Variants in NLGN4X observed in about 807,000 individuals in gnomAD.
NLGN4X encodes the protein neuroligin-4, X-linked.
Under a neutral mutation model 40.3 loss-of-function variants are expected in NLGN4X, and 3 were observed. The observed-to-expected ratio is 0.07, with a 90% CI of 0.03 to 0.19. NLGN4X has a LOEUF of 0.19. Among genes scored for constraint, NLGN4X ranks in the 10% least tolerant of loss-of-function variants. The pLI is 1.00. For missense variants in NLGN4X, 382 were observed against 708.3 expected (o/e 0.54, Z 5.23); for synonymous variants, 270 against 306.8 (o/e 0.88, Z 1.25).
At chrX:6,132,306 T>C (rs2039697072) in intron 2 of NLGN4X, among the ~76,000 whole-genome samples, 1 of 111,275 alleles carries the variant, frequency 9.0e-6, no homozygotes, top group African/African-American at 3.3e-5. Flanking sequence ...TAATCCAAAA[T>C]ATCTCCAGAC....
Position 6,034,712 on chromosome X carries a change from GT to G in NLGN4X, c.473-5281del, listed in dbSNP as rs202210549. The stretch of plus-strand genomic sequence containing the variant: ...GATGTGAAATGGTGTCTCATCATAG[GT>G]TTTTTTTTTTTTTTTTTCAAAGTCT... On this transcript the variant is annotated intron_variant, in intron 2 of 5. Transcript: ENST00000381095. 6.1e-3 allele frequency among the ~76,000 whole-genome samples: 632 copies of G among 103,444 alleles called. 4 individuals carry two copies. Among genetic ancestry groups the G allele is most frequent in the African/African-American group, 0.021 (598 of 28,230 alleles). The allele number at this position is 103,444 out of a possible 115,157, so 89.8% of individuals were successfully genotyped here.
chrX:6,182,277 AT>A (rs748554127), intron 1 of NLGN4X, among the ~76,000 whole-genome samples: 67 of 111,882 alleles, frequency 6.0e-4, no homozygotes, highest in Non-Finnish European at 1.3e-4. Context: ...CGAGTATACA[AT>A]GTACAATGGG....
chrX:6,003,791 C>T (rs184472567), intron 3 of NLGN4X, among the ~76,000 whole-genome samples: 11 of 112,347 alleles, frequency 9.8e-5, no homozygotes, highest in African/African-American at 3.5e-4. Flanking sequence ...TTAACACTTA[C>T]GGTCTCTGCG....
intron 1 of NLGN4X, among the ~76,000 whole-genome samples, chrX:6,157,402 T>C (rs575219423): frequency 1.8e-5 from 2 of 111,920 alleles, no homozygotes; most frequent in Admixed American, 1.9e-4. Context: ...AAGACAAATA[T>C]ACCATGAGGA....
At chrX:6,038,701 C>T (rs2037082418) in intron 2 of NLGN4X, among the ~76,000 whole-genome samples, 1 of 111,944 alleles carries the variant, frequency 8.9e-6, no homozygotes, top group Non-Finnish European at 1.9e-5. Flanking sequence ...AGATAGGAGG[C>T]TTATTTTATG....
At chrX:5,904,334 A>G (rs1422201752) in intron 4 of NLGN4X, among the ~76,000 whole-genome samples, 6 of 112,147 alleles carry the variant, frequency 5.4e-5, no homozygotes, top group African/African-American at 9.7e-5. Flanking sequence ...ATTATGGGAA[A>G]AAAAGAAATC....
intron 1 of NLGN4X, among the ~76,000 whole-genome samples, chrX:6,209,349 A>G (rs186530856): frequency 8.9e-6 from 1 of 111,904 alleles, no homozygotes; most frequent in Non-Finnish European, 1.9e-5. Context: ...ATATCCATGT[A>G]ACAAAACAGC....
At chrX:6,010,513 T>TTTTTTATTATTATTATTATTATTATTA (rs375723769) in intron 3 of NLGN4X, among the ~76,000 whole-genome samples, 6 of 95,389 alleles carry the variant, frequency 6.3e-5, no homozygotes, top group East Asian at 6.9e-4. Flanking sequence ...TTCTTTTTAT[T>TTTTTTATTATTATTATTATTATTATTA]TTATTATTAT....
intron 3 of NLGN4X, among the ~76,000 whole-genome samples, chrX:5,978,309 T>C (rs2035261714): frequency 1.1e-5 from 1 of 94,708 alleles, no homozygotes; most frequent in African/African-American, 4.4e-5. Context: ...TCTTTCTTTC[T>C]TTCTTTCTTT....
intron 3 of NLGN4X, among the ~76,000 whole-genome samples, chrX:5,947,498 A>G (rs748326930): frequency 8.9e-6 from 1 of 112,088 alleles, no homozygotes; most frequent in South Asian, 3.7e-4. Flanking sequence ...TTAAAAATTC[A>G]CAGGGATAAA....
chrX:5,909,107 G>A lies in NLGN4X; in HGVS notation c.758C>T (p.Ser253Leu). 1 of 1,211,355 alleles carries A rather than the reference G, an allele frequency of 8.3e-7. No homozygotes were observed. The highest frequency in any genetic ancestry group is 1.1e-6 in the Non-Finnish European group (1 of 895,462). ...GDPKRVTIFG[S>L]GAGASCVSLL... The stretch of plus-strand genomic sequence containing the variant: ...GCTGACACAGGAGGCCCCAGCCCCC[G>A]AGCCAAAGATGGTCACTCTCTTGGG... The change falls in exon 4 of 6, where the codon TCG (serine) becomes TTG (leucine). Residue 253 changes from serine to leucine, a missense_variant. Around this residue, in one of 5 missense-constraint regions of NLGN4X, gnomAD observed 32 missense variants for 85.2 expected, o/e 0.38. Coordinates refer to ENST00000381095, the MANE Select transcript of NLGN4X (RefSeq NM_181332.3).
chrX:6,008,575 T>G (rs1281614110), intron 3 of NLGN4X, among the ~76,000 whole-genome samples: 2 of 112,134 alleles, frequency 1.8e-5, no homozygotes, highest in Non-Finnish European at 3.8e-5. Context: ...AAAATTACCA[T>G]GTCCATTCCA....
chrX:6,051,621 G>T (rs2037495564), intron 2 of NLGN4X, among the ~76,000 whole-genome samples: 1 of 111,101 alleles, frequency 9.0e-6, no homozygotes, highest in Non-Finnish European at 1.9e-5. Flanking sequence ...GGCTCCAGAA[G>T]AAACCAACCA....
At chrX:5,966,329 A>T (rs1186233953) in intron 3 of NLGN4X, among the ~76,000 whole-genome samples, 1 of 112,474 alleles carries the variant, frequency 8.9e-6, no homozygotes, top group Non-Finnish European at 1.9e-5. Flanking sequence ...AACTTAGCTT[A>T]AATATTAATA....
At chrX:6,195,013 T>A (rs1922913828) in intron 1 of NLGN4X, among the ~76,000 whole-genome samples, 1 of 111,426 alleles carries the variant, frequency 9.0e-6, no homozygotes, top group African/African-American at 3.3e-5. Flanking sequence ...TTACTTTAAG[T>A]TCCGGGATAC....
intron 3 of NLGN4X, among the ~76,000 whole-genome samples, chrX:5,998,936 T>C (rs780264621): frequency 8.9e-6 from 1 of 112,544 alleles, no homozygotes; most frequent in Non-Finnish European, 1.9e-5. Context: ...TGCAAATGCA[T>C]GGATTGGTGT....
intron 2 of NLGN4X, among the ~76,000 whole-genome samples, chrX:6,118,710 A>T (rs1424667681): frequency 9.0e-6 from 1 of 111,469 alleles, no homozygotes; most frequent in Non-Finnish European, 1.9e-5. Flanking sequence ...ATCTGATAAA[A>T]ATGTAAATCA....
At chrX:6,089,143 A>G (rs1487637034) in intron 2 of NLGN4X, among the ~76,000 whole-genome samples, 1 of 112,136 alleles carries the variant, frequency 8.9e-6, no homozygotes, top group Non-Finnish European at 1.9e-5. Flanking sequence ...CTAAATTTCT[A>G]AATTTCTATA....
Position 5,990,095 on chromosome X carries a change from T to G in NLGN4X, c.625+39185A>C, listed in dbSNP as rs935723707. On this transcript the variant is annotated intron_variant, in intron 3 of 5. Transcript: ENST00000381095. Reference sequence around the variant, plus strand: ...CTATTTTCCTCTCTCTCTCTCTCTCTCTCTCTCTCTCTCTCTCTCTGCTAT... The same window carrying G: ...CTATTTTCCTCTCTCTCTCTCTCTCGCTCTCTCTCTCTCTCTCTCTGCTAT... Among the ~76,000 whole-genome samples, 3 of 108,067 alleles carry G rather than the reference T, an allele frequency of 2.8e-5. No homozygotes were observed. The Admixed American group carries it at 3.0e-4, about 11-fold the overall frequency. The allele number at this position is 108,067 out of a possible 115,157, so 93.8% of individuals were successfully genotyped here.
Sources: gnomAD v4.1 joint callset for allele counts (sites outside exome capture counted in the v4.1 genomes callset) on GRCh38, gnomAD v4.1.1 for gene constraint, gnomAD v4.1.1 regional missense constraint, MANE v1.5 for transcripts, NCBI Gene and HGNC (gene_info 2026-07-23, HGNC 2026-07-21) for gene names.